STARD13: variants seen among roughly 807,000 people sequenced by gnomAD.
STARD13 encodes StAR related lipid transfer domain containing 13.
A neutral mutation model predicts 106.4 loss-of-function variants in STARD13; 62 were observed. That is an observed-to-expected ratio of 0.58 (90% CI 0.48 to 0.72). STARD13 has a LOEUF of 0.72. STARD13 is among the 30% of genes least tolerant of loss of function. The pLI is 0.00. For synonymous variants in STARD13, 565 were observed against 553.0 expected, an observed-to-expected ratio of 1.02 and a Z score of -0.31; for missense variants, 1,387 against 1,424.0, an observed-to-expected ratio of 0.97 and a Z score of 0.42.
At chr13:33,548,368 G>C in the STARD13 span, among the ~76,000 whole-genome samples, 1 of 152,076 alleles carries the variant, frequency 6.6e-6, no homozygotes, top group Non-Finnish European at 1.5e-5. Context: ...AAACCCAAAT[G>C]TACAAGGGCC....
chr13:33,594,822 G>A, the STARD13 span, among the ~76,000 whole-genome samples: 83 of 152,306 alleles, frequency 5.4e-4, no homozygotes, highest in African/African-American at 1.9e-3. Flanking sequence ...TTTCATCCAT[G>A]TTATGGCATA....
At chr13:33,651,815 T>C in the STARD13 span, among the ~76,000 whole-genome samples, 1 of 152,198 alleles carries the variant, frequency 6.6e-6, no homozygotes, top group Non-Finnish European at 1.5e-5. Flanking sequence ...CTGCAAGAAG[T>C]CCTTCCACTC....
chr13:33,119,099 C>T (rs1418045490), intron 7 of STARD13, among the ~76,000 whole-genome samples: 5 of 152,064 alleles, frequency 3.3e-5, no homozygotes, highest in Admixed American at 1.3e-4. Context: ...GAGCAGAGCC[C>T]GGCAAGAATG....
chr13:33,111,646 G>C, intron 10 of STARD13, 132 bp downstream of exon 10: 1 of 614,394 alleles, frequency 1.6e-6, no homozygotes, highest in Non-Finnish European at 2.9e-6. Flanking sequence ...GCAAACACCA[G>C]AGCTATAACA....
the STARD13 span, among the ~76,000 whole-genome samples, chr13:33,588,137 T>C: frequency 6.6e-6 from 1 of 152,124 alleles, no homozygotes; most frequent in Admixed American, 6.5e-5. Flanking sequence ...TTGCTGGCTA[T>C]GCAGTGAGCT....
intron 1 of STARD13, among the ~76,000 whole-genome samples, chr13:33,270,350 G>C (rs904777961): frequency 6.6e-6 from 1 of 152,108 alleles, no homozygotes; most frequent in Non-Finnish European, 1.5e-5. Flanking sequence ...TTATATTTTG[G>C]TGCAACTGAG....
At chr13:33,304,029 T>C (rs1428410925) in intron 1 of STARD13, among the ~76,000 whole-genome samples, 2 of 152,228 alleles carry the variant, frequency 1.3e-5, no homozygotes, top group African/African-American at 2.4e-5. Flanking sequence ...GATTTGCAGA[T>C]GACTTGGCAC....
the STARD13 span, chr13:33,654,946 A>G: frequency 6.6e-6 from 1 of 152,188 alleles, no homozygotes; most frequent in African/African-American, 2.4e-5. Flanking sequence ...GCCGCACCTC[A>G]TGGTGTGACT....
chr13:33,397,426 A>T, the STARD13 span, among the ~76,000 whole-genome samples: 1 of 152,176 alleles, frequency 6.6e-6, no homozygotes, highest in African/African-American at 2.4e-5. Context: ...TCAGGGAGAC[A>T]GTGCAGATGT....
At chr13:33,234,338 A>G (rs1156900132) in intron 1 of STARD13, among the ~76,000 whole-genome samples, 1 of 152,218 alleles carries the variant, frequency 6.6e-6, no homozygotes, top group Non-Finnish European at 1.5e-5. Context: ...ACAGGAACAG[A>G]GTCCCAGCTA....
intron 1 of STARD13, among the ~76,000 whole-genome samples, chr13:33,180,772 C>T (rs1165375430): frequency 3.3e-5 from 5 of 152,170 alleles, no homozygotes; most frequent in Non-Finnish European, 5.9e-5. Flanking sequence ...CATTTAAAAA[C>T]AAAGGAAGTG....
chr13:33,244,727 C>A (rs1566095124), intron 1 of STARD13, among the ~76,000 whole-genome samples: 1 of 152,270 alleles, frequency 6.6e-6, no homozygotes, highest in East Asian at 1.9e-4. Flanking sequence ...CTGAAACCAA[C>A]CACGAGGCAT....
intron 1 of STARD13, among the ~76,000 whole-genome samples, chr13:33,246,972 G>A (rs1050803904): frequency 1.7e-4 from 26 of 152,132 alleles, no homozygotes; most frequent in African/African-American, 6.3e-4. Flanking sequence ...CGAGGCAGGT[G>A]GGTCGCCTGA....
chr13:33,148,370 A>C (rs1331914583), intron 3 of STARD13, among the ~76,000 whole-genome samples: 9 of 152,212 alleles, frequency 5.9e-5, no homozygotes, highest in Non-Finnish European at 1.2e-4. Context: ...AGAACCCTTA[A>C]AACTCAACAA....
the STARD13 span, among the ~76,000 whole-genome samples, chr13:33,431,299 C>A: frequency 1.3e-5 from 2 of 151,822 alleles, no homozygotes; most frequent in South Asian, 4.2e-4. Context: ...ATTTTTAATA[C>A]CTATTATAAA....
the STARD13 span, among the ~76,000 whole-genome samples, chr13:33,446,098 C>T: frequency 6.6e-6 from 1 of 151,994 alleles, no homozygotes; most frequent in East Asian, 1.9e-4. Context: ...GTCATTTTGA[C>T]AAGACAGTCT....
chr13:33,607,299 C>CT, the STARD13 span, among the ~76,000 whole-genome samples: 8,642 of 137,348 alleles, frequency 0.063, 382 homozygotes, highest in East Asian at 0.25. Flanking sequence ...ATCATTGTTT[C>CT]TTTTTTTTTT....
the STARD13 span, among the ~76,000 whole-genome samples, chr13:33,455,125 C>G: frequency 6.6e-6 from 1 of 152,120 alleles, no homozygotes; most frequent in Non-Finnish European, 1.5e-5. Context: ...ACAATAAAAC[C>G]AGAATATGGC....
chr13:33,370,621 T>TC, the STARD13 span, among the ~76,000 whole-genome samples: 1 of 134,544 alleles, frequency 7.4e-6, no homozygotes, highest in African/African-American at 3.2e-5. Context: ...CTTTCTTTCT[T>TC]TTTTTTTTTT....
Sources: gnomAD v4.1 joint callset for allele counts (sites outside exome capture counted in the v4.1 genomes callset) on GRCh38, gnomAD v4.1.1 for gene constraint, MANE v1.5 for transcripts, NCBI Gene and HGNC (gene_info 2026-07-23, HGNC 2026-07-21) for gene names.